The following ERICH3 variants were observed in gnomAD, a reference collection of about 807,000 sequenced individuals.
ERICH3 encodes glutamate-rich protein 3.
Under a neutral mutation model 131.1 loss-of-function variants are expected in ERICH3, and 126 were observed. The ratio of observed to expected loss-of-function variants is 0.96; its 90% CI spans 0.83 to 1.11. The LOEUF is 1.11. ERICH3 is among the 50% of genes most tolerant of loss of function. ERICH3 has a pLI of 0.00. For missense variants in ERICH3, 2,050 were observed against 1,810.7 expected, an observed-to-expected ratio of 1.13 and a Z score of -2.40; for synonymous variants, 695 against 644.6, an observed-to-expected ratio of 1.08 and a Z score of -1.18.
intron 11 of ERICH3, among the ~76,000 whole-genome samples, chr1:74,594,651 C>T (rs1240249296): frequency 6.6e-6 from 1 of 152,076 alleles, no homozygotes; most frequent in Non-Finnish European, 1.5e-5. Context: ...GAAATAGATC[C>T]ACTGTACATG....
chr1:74,586,775 G>A (rs1293433246), intron 12 of ERICH3, among the ~76,000 whole-genome samples: 2 of 152,050 alleles, frequency 1.3e-5, no homozygotes, highest in Non-Finnish European at 2.9e-5. Flanking sequence ...TGTTCATAAA[G>A]ATTAAAGATG....
intron 3 of ERICH3, among the ~76,000 whole-genome samples, chr1:74,644,605 C>T (rs1309918567): frequency 6.6e-6 from 1 of 151,996 alleles, no homozygotes; most frequent in Non-Finnish European, 1.5e-5. Flanking sequence ...CTTCTGAGCT[C>T]TTTCTTCTCC....
intron 8 of ERICH3, among the ~76,000 whole-genome samples, chr1:74,615,523 A>G (rs931122936): frequency 6.6e-6 from 1 of 152,232 alleles, no homozygotes; most frequent in African/African-American, 2.4e-5. Flanking sequence ...GGCACTAAAG[A>G]TAAACAAAAA....
intron 12 of ERICH3, among the ~76,000 whole-genome samples, chr1:74,587,380 GC>G (rs2100557264): frequency 6.7e-6 from 1 of 149,072 alleles, no homozygotes; most frequent in East Asian, 2.0e-4. Context: ...CCCAAACCTT[GC>G]CATCTTGTGT....
intron 1 of ERICH3, among the ~76,000 whole-genome samples, chr1:74,670,136 C>A (rs1418310447): frequency 1.3e-5 from 2 of 152,192 alleles, no homozygotes; most frequent in African/African-American, 4.8e-5. Flanking sequence ...TGTATTTGTG[C>A]TTATTGTTTT....
chr1:74,620,453 C>T (rs1000738916), intron 8 of ERICH3, among the ~76,000 whole-genome samples: 8 of 152,132 alleles, frequency 5.3e-5, no homozygotes, highest in Admixed American at 3.3e-4. Context: ...ACAGCTTATT[C>T]GTGCAACATT....
At chr1:74,653,842 C>T (rs1489128202) in intron 1 of ERICH3, among the ~76,000 whole-genome samples, 2 of 152,096 alleles carry the variant, frequency 1.3e-5, no homozygotes, top group African/African-American at 2.4e-5. Context: ...ACACTGTCTA[C>T]ATTACCTTTG....
chr1:74,646,781 ACT>A lies in ERICH3; in HGVS notation c.127_128del (p.Ser43TrpfsTer6). 1 of 1,473,428 alleles carries A rather than the reference ACT, an allele frequency of 6.8e-7. No individual in the cohort carries two copies. Among genetic ancestry groups the A allele is most frequent in the Non-Finnish European group, 9.2e-7 (1 of 1,083,804 alleles). 91.3% of individuals were successfully genotyped at this position (1,473,428 alleles called of 1,614,324 possible). A position where few individuals can be genotyped will look rare whatever the true frequency, so the allele number is the denominator to read the frequency against. On this transcript the variant is annotated frameshift_variant, in exon 3 of 15. Transcript: ENST00000326665. LOFTEE classifies it high-confidence loss of function. ...HLLRSGLITR[S>X]GRILSEKEYK... The stretch of plus-strand genomic sequence containing the variant: ...ATTCTTTTTCAGAAAGTATTCTTCC[ACT>A]TCTTGTGATCTGTCATGAATAAATA...
Position 74,673,698 on chromosome 1 carries a change from C to T in ERICH3, c.-179G>A. On this transcript the variant is annotated 5_prime_UTR_variant, in exon 1 of 15. Transcript: ENST00000326665. ...GGGCGCCCGGGCTACCCGCAGCCTC[C>T]CGGGCTCCCACCCTCCGTTGGTATC... 2.0e-6 allele frequency: 1 copy of T among 488,512 alleles called. No homozygotes were observed. The highest frequency in any genetic ancestry group is 3.5e-6 in the Non-Finnish European group (1 of 288,982). The allele number at this position is 488,512 out of a possible 1,614,324, so 30.3% of individuals were successfully genotyped here. A position where few individuals can be genotyped will look rare whatever the true frequency, so the allele number is the denominator to read the frequency against.
chr1:74,658,612 A>C (rs538022289), intron 1 of ERICH3, among the ~76,000 whole-genome samples: 2 of 152,286 alleles, frequency 1.3e-5, no homozygotes, highest in South Asian at 4.1e-4. Flanking sequence ...GAAAAAAAAT[A>C]AAATTGTACT....
chr1:74,664,245 C>T (rs1188773532), intron 1 of ERICH3, among the ~76,000 whole-genome samples: 1 of 151,210 alleles, frequency 6.6e-6, no homozygotes, highest in East Asian at 1.9e-4. Context: ...TTTGATTTTC[C>T]TCATGGTATT....
At chr1:74,620,488 A>C (rs1217368225) in intron 8 of ERICH3, among the ~76,000 whole-genome samples, 1 of 152,186 alleles carries the variant, frequency 6.6e-6, no homozygotes, top group African/African-American at 2.4e-5. Flanking sequence ...TCTCCATCCC[A>C]AAATTAATCT....
chr1:74,592,807 C>T (rs1647669191), intron 11 of ERICH3, among the ~76,000 whole-genome samples: 1 of 152,100 alleles, frequency 6.6e-6, no homozygotes, highest in African/African-American at 2.4e-5. Context: ...GTTTCACTCT[C>T]ATTTCTTTCT....
intron 1 of ERICH3, among the ~76,000 whole-genome samples, chr1:74,659,660 T>C (rs1026580418): frequency 1.3e-5 from 2 of 152,196 alleles, no homozygotes; most frequent in Admixed American, 6.5e-5. Flanking sequence ...AGCAACTGTT[T>C]ATTGTGTGCG....
chr1:74,607,918 T>C (rs1253827703), intron 9 of ERICH3, among the ~76,000 whole-genome samples: 2 of 152,096 alleles, frequency 1.3e-5, no homozygotes, highest in Non-Finnish European at 1.5e-5. Flanking sequence ...GGGTACTCTG[T>C]ATCCATTATC....
chr1:74,612,359 A>C (rs1387243437), intron 9 of ERICH3, among the ~76,000 whole-genome samples: 1 of 152,228 alleles, frequency 6.6e-6, no homozygotes, highest in Admixed American at 6.5e-5. Flanking sequence ...TCTTAAAGTG[A>C]GAAGACAGGA....
chr1:74,644,253 C>T (rs375221174), intron 3 of ERICH3, among the ~76,000 whole-genome samples: 1 of 151,998 alleles, frequency 6.6e-6, no homozygotes, highest in Non-Finnish European at 1.5e-5. Context: ...CTCCTACCCA[C>T]TTATCATCAA....
chr1:74,602,361 T>C (rs1648178012), intron 10 of ERICH3, among the ~76,000 whole-genome samples: 2 of 151,972 alleles, frequency 1.3e-5, no homozygotes, highest in South Asian at 4.1e-4. Flanking sequence ...TCTACTCATG[T>C]TTTTGATACG....
At chr1:74,644,888 T>C (rs1646468064) in intron 3 of ERICH3, among the ~76,000 whole-genome samples, 1 of 152,010 alleles carries the variant, frequency 6.6e-6, no homozygotes, top group Admixed American at 6.6e-5. Context: ...CAAACTTAGT[T>C]GAGAATTTAA....
Sources: allele counts gnomAD v4.1 joint callset (sites outside exome capture counted in the v4.1 genomes callset), GRCh38; gene constraint gnomAD v4.1.1; transcripts MANE v1.5; gene names NCBI Gene and HGNC (gene_info 2026-07-23, HGNC 2026-07-21).